Variants in PRKAR2A observed in about 807,000 individuals in gnomAD.
PRKAR2A encodes the protein protein kinase cAMP-dependent type II regulatory subunit alpha.
Under a neutral mutation model 51.9 loss-of-function variants are expected in PRKAR2A, and 29 were observed. The observed-to-expected ratio is 0.56, with a 90% CI of 0.42 to 0.76. The LOEUF (loss-of-function observed/expected upper bound fraction) is 0.76. PRKAR2A is among the 30% of genes least tolerant of loss of function. The pLI, the probability that PRKAR2A is intolerant of heterozygous loss-of-function variation, is 0.00. For synonymous variants in PRKAR2A, 178 were observed against 186.2 expected, an observed-to-expected ratio of 0.96 and a Z score of 0.36; for missense variants, 445 against 512.1, an observed-to-expected ratio of 0.87 and a Z score of 1.26.
At chr3:48,786,368 G>T (rs2082293005) in intron 4 of PRKAR2A, among the ~76,000 whole-genome samples, 1 of 150,306 alleles carries the variant, frequency 6.7e-6, no homozygotes, top group African/African-American at 2.4e-5. Context: ...CAGGTGATCT[G>T]CCCGCCTCGG....
rs141788798 is a variant in PRKAR2A, at chr3:48,791,487, G to A, written c.352-860C>T. The stretch of plus-strand genomic sequence containing the variant: ...CGCATGCCAGTAATCCTAGCTACTC[G>A]GGATGCTGAGGTAGGAGAATCGTCT... On this transcript the variant is annotated intron_variant, in intron 3 of 10. Coordinates refer to ENST00000265563, the MANE Select transcript of PRKAR2A (RefSeq NM_004157.4). Among the ~76,000 whole-genome samples the A allele has an allele frequency of 2.5e-3, 366 of 148,312 alleles. 3 individuals are homozygous for A. The highest frequency in any genetic ancestry group is 8.5e-3 in the African/African-American group (341 of 40,112).
intron 4 of PRKAR2A, among the ~76,000 whole-genome samples, chr3:48,786,128 G>GTTT (rs566059607): frequency 7.4e-6 from 1 of 135,370 alleles, no homozygotes; most frequent in Non-Finnish European, 1.6e-5. Flanking sequence ...GTTTTTTTTT[G>GTTT]TTTTTTTTTT....
intron 1 of PRKAR2A, among the ~76,000 whole-genome samples, chr3:48,828,633 T>A (rs897256690): frequency 4.8e-5 from 7 of 145,182 alleles, no homozygotes; most frequent in African/African-American, 1.8e-4. Flanking sequence ...GGTGGGAGGA[T>A]CTTGCTTAAA....
intron 1 of PRKAR2A, among the ~76,000 whole-genome samples, chr3:48,831,094 A>G (rs985241071): frequency 3.3e-5 from 5 of 152,150 alleles, no homozygotes; most frequent in Non-Finnish European, 5.9e-5. Flanking sequence ...GGGACCCGGG[A>G]TGTACTATAC....
chr3:48,812,133 G>GA (rs1042519663), intron 1 of PRKAR2A, among the ~76,000 whole-genome samples: 41 of 145,324 alleles, frequency 2.8e-4, no homozygotes, highest in African/African-American at 3.5e-4. Flanking sequence ...ATAAAGCTCT[G>GA]AAAAAAAAAA....
chr3:48,763,174 C>T (rs536958664), intron 8 of PRKAR2A, among the ~76,000 whole-genome samples: 2 of 152,232 alleles, frequency 1.3e-5, no homozygotes, highest in East Asian at 1.9e-4. Flanking sequence ...TTCAGCAGGT[C>T]TGGTGGGGGG....
intron 1 of PRKAR2A, among the ~76,000 whole-genome samples, chr3:48,823,324 G>C (rs2083001023): frequency 6.6e-6 from 1 of 152,016 alleles, no homozygotes; most frequent in Non-Finnish European, 1.5e-5. Flanking sequence ...GGGTGTCGGG[G>C]GGGTGCTGTC....
At chr3:48,832,215 A>C (rs1178849126) in intron 1 of PRKAR2A, among the ~76,000 whole-genome samples, 1 of 147,008 alleles carries the variant, frequency 6.8e-6, no homozygotes, top group African/African-American at 2.5e-5. Context: ...AATCGCTTGA[A>C]CCCGGGAGGT....
At chr3:48,774,763 T>A (rs2082081072) in intron 5 of PRKAR2A, among the ~76,000 whole-genome samples, 1 of 152,186 alleles carries the variant, frequency 6.6e-6, no homozygotes, top group South Asian at 2.1e-4. Context: ...CTTTCTTTTT[T>A]ATGGTCAAAT....
At chr3:48,753,061 T>G (rs547650366) in intron 9 of PRKAR2A, among the ~76,000 whole-genome samples, 10 of 150,368 alleles carry the variant, frequency 6.7e-5, no homozygotes, top group African/African-American at 2.4e-4. Flanking sequence ...ACCTCCCAAG[T>G]AGCTGGGACC....
intron 1 of PRKAR2A, among the ~76,000 whole-genome samples, chr3:48,822,233 G>T (rs1256519074): frequency 7.6e-6 from 1 of 131,158 alleles, no homozygotes; most frequent in Non-Finnish European, 1.6e-5. Context: ...AAAAAAAAAT[G>T]GAGTTTCCCA....
intron 1 of PRKAR2A, among the ~76,000 whole-genome samples, chr3:48,812,784 G>GA (rs546671045): frequency 4.6e-5 from 7 of 152,068 alleles, no homozygotes; most frequent in Non-Finnish European, 8.8e-5. Flanking sequence ...CGCCTGGCCA[G>GA]AAAAAACTTT....
intron 1 of PRKAR2A, among the ~76,000 whole-genome samples, chr3:48,819,986 G>A (rs981065552): frequency 6.6e-6 from 1 of 152,154 alleles, no homozygotes; most frequent in African/African-American, 2.4e-5. Flanking sequence ...TTCCAATTTG[G>A]TCATAGGATA....
chr3:48,845,054 A>G (rs1287628329), intron 1 of PRKAR2A, among the ~76,000 whole-genome samples: 1 of 152,218 alleles, frequency 6.6e-6, no homozygotes, highest in African/African-American at 2.4e-5. Context: ...TTGTGTAAAT[A>G]AAAATTGTCT....
In PRKAR2A at chr3:48,750,189, C is replaced by A. The variant is rs1410271054; in HGVS notation, c.*1396G>T. Reference sequence around the variant, plus strand: ...GACCAGCCTGACCAACACAGAGAAACCCTGTCTCTATTAAAAATACAAAAT... The same window carrying A: ...GACCAGCCTGACCAACACAGAGAAAACCTGTCTCTATTAAAAATACAAAAT... On this transcript the variant is annotated 3_prime_UTR_variant, in exon 11 of 11. Coordinates refer to ENST00000265563, the MANE Select transcript of PRKAR2A (RefSeq NM_004157.4). 2 of 152,002 alleles carry A rather than the reference C, an allele frequency of 1.3e-5. No individual in the cohort carries two copies. The highest frequency in any genetic ancestry group is 2.9e-5 in the Non-Finnish European group (2 of 68,050). The allele number at this position is 152,002 out of a possible 1,614,324, so 9.4% of individuals were successfully genotyped here. A position where few individuals can be genotyped will look rare whatever the true frequency, so the allele number is the denominator to read the frequency against.
intron 3 of PRKAR2A, among the ~76,000 whole-genome samples, chr3:48,792,841 A>G (rs913006068): frequency 4.6e-5 from 7 of 152,034 alleles, no homozygotes; most frequent in African/African-American, 1.7e-4. Flanking sequence ...AGGCAGGAGA[A>G]TCACGTGAAC....
intron 1 of PRKAR2A, among the ~76,000 whole-genome samples, chr3:48,842,857 A>T (rs1031155466): frequency 6.6e-6 from 1 of 152,126 alleles, no homozygotes; most frequent in Non-Finnish European, 1.5e-5. Context: ...TTCACCAAGG[A>T]TATTGGTCTA....
intron 1 of PRKAR2A, among the ~76,000 whole-genome samples, chr3:48,829,841 G>A (rs1246544097): frequency 2.7e-5 from 1 of 37,414 alleles, no homozygotes; most frequent in African/African-American, 1.4e-4. Context: ...ATATATATGC[G>A]TGTGTGTATA....
At chr3:48,805,214 T>C (rs1450787385) in intron 2 of PRKAR2A, among the ~76,000 whole-genome samples, 4 of 152,086 alleles carry the variant, frequency 2.6e-5, no homozygotes, top group African/African-American at 9.7e-5. Flanking sequence ...TGGCCAGCCA[T>C]AATGCGAAGT....
Sources: allele counts gnomAD v4.1 joint callset (sites outside exome capture counted in the v4.1 genomes callset), GRCh38; gene constraint gnomAD v4.1.1; transcripts MANE v1.5; gene names NCBI Gene and HGNC (gene_info 2026-07-23, HGNC 2026-07-21).